ADAMTS6: variants seen among roughly 807,000 people sequenced by gnomAD.
The protein encoded by ADAMTS6 is ADAM metallopeptidase with thrombospondin type 1 motif 6, also known as A disintegrin and metalloproteinase with thrombospondin motifs 6.
A neutral mutation model predicts 144.3 loss-of-function variants in ADAMTS6; 23 were observed. The ratio of observed to expected loss-of-function variants is 0.16; its 90% CI spans 0.11 to 0.23. ADAMTS6 has a LOEUF of 0.23. Among genes scored for constraint, ADAMTS6 ranks in the 10% least tolerant of loss-of-function variants. The pLI, the probability that ADAMTS6 is intolerant of heterozygous loss-of-function variation, is 1.00. For missense variants in ADAMTS6, 999 were observed against 1,379.6 expected (o/e 0.72, Z 4.37); for synonymous variants, 444 against 457.5 (o/e 0.97, Z 0.38).
chr5:65,269,515 T>C (rs772150070), intron 12 of ADAMTS6, among the ~76,000 whole-genome samples: 2 of 152,030 alleles, frequency 1.3e-5, no homozygotes, highest in Non-Finnish European at 2.9e-5. Context: ...CAATGAAAAA[T>C]TGCTTTTTTA....
intron 9 of ADAMTS6, among the ~76,000 whole-genome samples, chr5:65,319,462 T>C (rs1338913245): frequency 6.7e-6 from 1 of 149,858 alleles, no homozygotes; most frequent in Non-Finnish European, 1.5e-5. Flanking sequence ...GAAGGACTGC[T>C]TAAGCTCAGG....
intron 14 of ADAMTS6, among the ~76,000 whole-genome samples, chr5:65,259,342 C>T (rs1760963887): frequency 6.6e-6 from 1 of 152,096 alleles, no homozygotes; most frequent in South Asian, 2.1e-4. Flanking sequence ...CACTGCACTC[C>T]AGCCTGGCCT....
Position 65,224,981 on chromosome 5 carries a change from C to A in ADAMTS6, c.2134G>T (p.Asp712Tyr), listed in dbSNP as rs752912116. The A allele has an allele frequency of 1.9e-6, 3 of 1,613,982 alleles. No individual in the cohort carries two copies. In the East Asian group the frequency reaches 6.7e-5, roughly 36 times the overall value. The stretch of plus-strand genomic sequence containing the variant: ...TCAATGGCATCACATGTGCTTCCGT[C>A]CCCTCCACAGACTCGACATCTATCT... ...REDRCRVCGG[D>Y]GSTCDAIEGF... The change falls in exon 17 of 25, where the codon GAC (aspartate) becomes TAC (tyrosine). Residue 712 changes from aspartate (D) to tyrosine (Y), a missense_variant. Asp to Tyr is a radical substitution (Grantham distance 160). Around this residue, in one of 3 missense-constraint regions of ADAMTS6, gnomAD observed 619 missense variants for 837.0 expected, o/e 0.74. Transcript: ENST00000381055.
At chr5:65,375,588 A>G (rs180933346) in intron 7 of ADAMTS6, among the ~76,000 whole-genome samples, 17 of 152,192 alleles carry the variant, frequency 1.1e-4, no homozygotes, top group East Asian at 5.8e-4. Flanking sequence ...TTAGAATGGC[A>G]ATCATTAAAA....
Position 65,329,448 on chromosome 5 carries a change from T to C in ADAMTS6, c.1153A>G (p.Arg385Gly), listed in dbSNP as rs767337627. Residue 385 changes from arginine (R) to glycine (G), a missense_variant, in exon 9 of 25, where the codon AGG becomes GGG. Physicochemically the swap from Arg to Gly is moderately radical, Grantham distance 125. Coordinates refer to ENST00000381055, the MANE Select transcript of ADAMTS6 (RefSeq NM_197941.4). ...ATGTCTTCATTAATGCTGCAGCTCC[T>C]TTCAGGCTCACACATTCCAGCCACA... ...ASVAGMCEPERSCSINEDIGL... is the reference protein window; with the variant it reads ...ASVAGMCEPEGSCSINEDIGL... 9.3e-6 allele frequency: 15 copies of C among 1,612,722 alleles called. No homozygotes were observed. The highest frequency in any genetic ancestry group is 1.3e-5 in the Non-Finnish European group (15 of 1,179,248).
intron 7 of ADAMTS6, among the ~76,000 whole-genome samples, chr5:65,406,598 C>T (rs1039309131): frequency 6.6e-6 from 1 of 152,060 alleles, no homozygotes; most frequent in African/African-American, 2.4e-5. Context: ...GGATATTGGT[C>T]TAAAATTCTC....
intron 7 of ADAMTS6, among the ~76,000 whole-genome samples, chr5:65,391,591 C>T (rs947012103): frequency 2.6e-5 from 4 of 152,102 alleles, no homozygotes; most frequent in Non-Finnish European, 5.9e-5. Flanking sequence ...CATCCATATT[C>T]CAATTTTGTC....
intron 14 of ADAMTS6, among the ~76,000 whole-genome samples, chr5:65,248,345 C>T (rs1402096617): frequency 1.3e-5 from 2 of 152,042 alleles, no homozygotes; most frequent in Non-Finnish European, 2.9e-5. Flanking sequence ...GGCAGATAAC[C>T]CACATTGTCC....
chr5:65,461,535 G>A (rs1227547337), intron 3 of ADAMTS6, among the ~76,000 whole-genome samples: 1 of 152,130 alleles, frequency 6.6e-6, no homozygotes, highest in East Asian at 1.9e-4. Context: ...GCACATGTGA[G>A]GACTGCTCTT....
intron 18 of ADAMTS6, among the ~76,000 whole-genome samples, chr5:65,221,034 A>G (rs1250588704): frequency 6.6e-6 from 1 of 152,206 alleles, no homozygotes; most frequent in Non-Finnish European, 1.5e-5. Context: ...ACTTTCCACA[A>G]AGACAACTCC....
intron 24 of ADAMTS6, among the ~76,000 whole-genome samples, chr5:65,164,447 C>G (rs2112024534): frequency 6.8e-6 from 1 of 146,448 alleles, no homozygotes; most frequent in South Asian, 2.2e-4. Context: ...GGCAGCGAGG[C>G]TGGGGGAGGG....
chr5:65,197,265 T>C, intron 20 of ADAMTS6, 114 bp from the exon 21 acceptor site: 2 of 1,004,686 alleles, frequency 2.0e-6, no homozygotes, highest in Non-Finnish European at 2.8e-6. Context: ...CCGTCTTATC[T>C]GTTCCACATT....
chr5:65,230,716 C>T lies in ADAMTS6; in HGVS notation c.1934-4497G>A, dbSNP rs1758146238. ...ACATATGTATGAAATATATATAACA[C>T]ATATGTATGAAATATATATATAACA... On this transcript the variant is annotated intron_variant, in intron 15 of 24. Coordinates refer to ENST00000381055, the MANE Select transcript of ADAMTS6 (RefSeq NM_197941.4). Among the ~76,000 whole-genome samples the T allele has an allele frequency of 3.3e-5, 3 of 90,858 alleles. 1 individual carries two copies. The highest frequency in any genetic ancestry group is 3.6e-4 in the South Asian group (1 of 2,806). 59.6% of individuals were successfully genotyped at this position (90,858 alleles called of 152,430 possible). A position where few individuals can be genotyped will look rare whatever the true frequency, so the allele number is the denominator to read the frequency against.
intron 9 of ADAMTS6, among the ~76,000 whole-genome samples, chr5:65,308,281 T>C (rs2112831084): frequency 6.6e-6 from 1 of 152,312 alleles, no homozygotes; most frequent in East Asian, 1.9e-4. Context: ...TACTGGTGCC[T>C]ATGCATTGTG....
At chr5:65,192,141 T>C (rs1755054412) in intron 21 of ADAMTS6, among the ~76,000 whole-genome samples, 1 of 152,102 alleles carries the variant, frequency 6.6e-6, no homozygotes, top group Admixed American at 6.5e-5. Context: ...TATTAAACAT[T>C]ATACCTTAAA....
rs753452493 is a variant in ADAMTS6 at position 65,452,923 on chromosome 5, A to G, written c.632-5T>C. The G allele has an allele frequency of 7.4e-6, 12 of 1,612,536 alleles. No homozygotes were observed. Among genetic ancestry groups the G allele is most frequent in the Middle Eastern group, 1.7e-4 (1 of 6,060 alleles). ...GTTTGCCACTTCTTGTGAAATCTAC[A>G]ATAAAAGCAGCCAATTCAGATAGGT... On this transcript the variant is annotated splice_polypyrimidine_tract_variant and splice_region_variant and intron_variant, in intron 4 of 24. Transcript: ENST00000381055.
intron 15 of ADAMTS6, among the ~76,000 whole-genome samples, chr5:65,237,098 A>C (rs1758727936): frequency 2.0e-5 from 3 of 152,124 alleles, no homozygotes; most frequent in African/African-American, 7.2e-5. Context: ...ACACAAAATA[A>C]AAAACTGAAA....
At chr5:65,174,418 C>T (rs908378655) in intron 22 of ADAMTS6, among the ~76,000 whole-genome samples, 8 of 152,198 alleles carry the variant, frequency 5.3e-5, no homozygotes, top group African/African-American at 1.7e-4. Flanking sequence ...TTGGCCGATG[C>T]GGATCCTGAG....
intron 24 of ADAMTS6, among the ~76,000 whole-genome samples, chr5:65,165,842 G>C (rs1753108301): frequency 7.8e-6 from 1 of 128,282 alleles, no homozygotes; most frequent in Non-Finnish European, 1.7e-5. Context: ...GACCGATTTT[G>C]TCACCACCAG....
Sources: gnomAD v4.1 joint callset for allele counts (sites outside exome capture counted in the v4.1 genomes callset) on GRCh38, gnomAD v4.1.1 for gene constraint, gnomAD v4.1.1 regional missense constraint, MANE v1.5 for transcripts, NCBI Gene and HGNC (gene_info 2026-07-23, HGNC 2026-07-21) for gene names.